The following ZFR2 variants were observed in gnomAD, a reference collection of about 807,000 sequenced individuals.
ZFR2 encodes zinc finger RNA-binding protein 2.
ZFR2 carries 104 observed loss-of-function variants against 105.7 expected under a neutral mutation model. The observed-to-expected ratio is 0.98, with a 90% CI of 0.84 to 1.16. The LOEUF is 1.16. Among genes scored for constraint, ZFR2 ranks in the 50% most tolerant of loss-of-function variants. The pLI, the probability that ZFR2 is intolerant of heterozygous loss-of-function variation, is 0.00. For synonymous variants in ZFR2, 634 were observed against 597.7 expected (o/e 1.06, Z -0.89); for missense variants, 1,425 against 1,355.5 (o/e 1.05, Z -0.80).
rs199699070 is a variant in ZFR2, at chr19:3,819,168, G to A, written c.1808C>T (p.Thr603Met). Residue 603 changes from threonine (T) to methionine (M), a missense_variant, in exon 12 of 19, where the codon ACG becomes ATG. Transcript: ENST00000262961. Reference sequence around the variant, plus strand: ...CTGCACGGCCAGGAGCTCCTGCTCCGTGGGGTAGATGGTGGCGTGCTTGCA... The same window carrying A: ...CTGCACGGCCAGGAGCTCCTGCTCCATGGGGTAGATGGTGGCGTGCTTGCA... ...VMCKHATIYPTEQELLAVQRA... is the reference protein window; with the variant it reads ...VMCKHATIYPMEQELLAVQRA... The A allele has an allele frequency of 4.5e-5, 72 of 1,600,912 alleles. No individual in the cohort carries two copies. The highest frequency in any genetic ancestry group is 5.5e-5 in the Non-Finnish European group (65 of 1,177,206).
rs141499537 is a variant in ZFR2 at position 3,823,262 on chromosome 19, G to A, written c.1355C>T (p.Pro452Leu). Reference protein sequence around the residue: ...AGCSDAQPVGPEYVEEVFSDE... With the variant: ...AGCSDAQPVGLEYVEEVFSDE... ...TCGACTTACCTCCTCCACATATTCC[G>A]GGCCCACCGGCTGCGCATCAGAGCA... The change falls in exon 8 of 19, where the codon CCG (proline) becomes CTG (leucine). Residue 452 changes from proline to leucine, a missense_variant. Physicochemically the swap from Pro to Leu is moderately conservative, Grantham distance 98 (BLOSUM62 -3). Transcript: ENST00000262961. This position sits in a 1 kb window ranked among gnomAD's most constrained non-coding sequence, Gnocchi z 5.4. The A allele has an allele frequency of 3.4e-4, 543 of 1,613,908 alleles. 3 individuals are homozygous for A. In the African/African-American group the frequency reaches 6.1e-3, roughly 18 times the overall value.
chr19:3,830,946 C>G (rs62132982), intron 5 of ZFR2, among the ~76,000 whole-genome samples: 2 of 151,816 alleles, frequency 1.3e-5, no homozygotes, highest in African/African-American at 2.4e-5. Context: ...GGCATACATG[C>G]GCACACATAC....
At chr19:3,824,151 G>T (rs2037924861) in intron 7 of ZFR2, among the ~76,000 whole-genome samples, 1 of 152,066 alleles carries the variant, frequency 6.6e-6, no homozygotes, top group South Asian at 2.1e-4. Context: ...AATACAAAAA[G>T]TAGTGGGATG....
Position 3,838,076 on chromosome 19 carries a change from A to ATGACCGTGACACGCGATGAACACCG in ZFR2, c.54-3118_54-3094dup, listed in dbSNP as rs1568427311. Among the ~76,000 whole-genome samples the ATGACCGTGACACGCGATGAACACCG allele has an allele frequency of 6.9e-6, 1 of 145,486 alleles. No homozygotes were observed. The highest frequency in any genetic ancestry group is 1.5e-5 in the Non-Finnish European group (1 of 66,744). On this transcript the variant is annotated intron_variant, in intron 1 of 18. Transcript: ENST00000262961. The surrounding 1 kb of genome is among the most constrained non-coding windows in gnomAD (Gnocchi z 4.9). ...ATGACCGTGACACGTGATGAACACC[A>ATGACCGTGACACGCGATGAACACCG]TGACCGTGACACGCGATGAACACCG... is the stretch of plus-strand genomic sequence containing the variant.
rs76034444 is a variant in ZFR2, at chr19:3,844,180, C to T, written c.54-9197G>A. 8.4e-3 allele frequency among the ~76,000 whole-genome samples: 1,282 copies of T among 152,116 alleles called. 17 individuals are homozygous for T. The highest frequency in any genetic ancestry group is 0.029 in the African/African-American group (1,216 of 41,482). ...CTGAACTATGCACTTATTAATAAAA[C>T]GGTAAAACTGGTCAATTTTATGTTA... On this transcript the variant is annotated intron_variant, in intron 1 of 18. Transcript: ENST00000262961.
intron 3 of ZFR2, among the ~76,000 whole-genome samples, chr19:3,832,638 T>A (rs909074246): frequency 4.6e-5 from 7 of 150,726 alleles, no homozygotes; most frequent in East Asian, 2.0e-4. Flanking sequence ...GTTTTTTTTT[T>A]TTATTTTTTA....
At chr19:3,850,713 C>A (rs1244151532) in intron 1 of ZFR2, among the ~76,000 whole-genome samples, 1 of 118,476 alleles carries the variant, frequency 8.4e-6, no homozygotes, top group African/African-American at 3.5e-5. Context: ...GGGATCCCAT[C>A]TCTACAGAAA....
intron 6 of ZFR2, 121 bp from the exon 7 acceptor site, chr19:3,825,528 A>C: frequency 3.1e-6 from 4 of 1,282,264 alleles, no homozygotes; most frequent in South Asian, 1.5e-5. Flanking sequence ...GGTCCCAGGG[A>C]CCCCCCTCTC....
At chr19:3,810,551 A>G (rs975311017) in intron 16 of ZFR2, among the ~76,000 whole-genome samples, 199 bp downstream of exon 16, 2 of 152,222 alleles carry the variant, frequency 1.3e-5, no homozygotes, top group Non-Finnish European at 2.9e-5. Flanking sequence ...GGTTTTGAAT[A>G]GTGGCAGTCA....
intron 5 of ZFR2, among the ~76,000 whole-genome samples, chr19:3,828,106 C>A (rs12460770): frequency 6.6e-6 from 1 of 151,714 alleles, no homozygotes; most frequent in Admixed American, 6.6e-5. Context: ...AGGAGCGCAC[C>A]ACCGCGCCCA....
intron 13 of ZFR2, 134 bp downstream of exon 13, chr19:3,816,540 C>T (rs58314228): frequency 0.15 from 200,500 of 1,353,780 alleles, 16,215 homozygotes; most frequent in East Asian, 0.32. Context: ...GCCACTGCGC[C>T]TGGCTTAATG....
chr19:3,828,248 G>A (rs941603561), intron 5 of ZFR2, among the ~76,000 whole-genome samples: 2 of 151,516 alleles, frequency 1.3e-5, no homozygotes, highest in East Asian at 3.9e-4. Flanking sequence ...GGGTTCAAGC[G>A]ATTCTCCCGC....
At chr19:3,840,892 G>A (rs550011929) in intron 1 of ZFR2, among the ~76,000 whole-genome samples, 4 of 152,158 alleles carry the variant, frequency 2.6e-5, no homozygotes, top group Non-Finnish European at 5.9e-5. Context: ...TTTCATTTCA[G>A]TTAATTTAGA....
At chr19:3,821,189 G>T in intron 10 of ZFR2, 151 bp downstream of exon 10, 2 of 1,154,478 alleles carry the variant, frequency 1.7e-6, no homozygotes, top group Non-Finnish European at 1.2e-6. Flanking sequence ...TCCCACACCA[G>T]GACGTGCCCA....
At chr19:3,853,831 G>A (rs1010322799) in intron 1 of ZFR2, among the ~76,000 whole-genome samples, 1 of 152,068 alleles carries the variant, frequency 6.6e-6, no homozygotes, top group Non-Finnish European at 1.5e-5. Flanking sequence ...CACTTTGGGA[G>A]GCCAAGGCAG....
At chr19:3,866,167 A>G (rs1236466066) in intron 1 of ZFR2, among the ~76,000 whole-genome samples, 1 of 152,158 alleles carries the variant, frequency 6.6e-6, no homozygotes, top group Non-Finnish European at 1.5e-5. Context: ...AAAAGCAGCC[A>G]AAGTTTCCAA....
chr19:3,859,054 C>T (rs1246695389), intron 1 of ZFR2, among the ~76,000 whole-genome samples: 1 of 152,112 alleles, frequency 6.6e-6, no homozygotes, highest in Non-Finnish European at 1.5e-5. Flanking sequence ...AGGAGAGTGA[C>T]ATTTGAGCCG....
intron 1 of ZFR2, among the ~76,000 whole-genome samples, chr19:3,859,464 C>A (rs927466813): frequency 3.9e-5 from 6 of 152,254 alleles, no homozygotes; most frequent in African/African-American, 1.4e-4. Flanking sequence ...AGGTCCCTTT[C>A]ATGGAGACCT....
chr19:3,840,384 C>T (rs2038122972), intron 1 of ZFR2, among the ~76,000 whole-genome samples: 1 of 151,790 alleles, frequency 6.6e-6, no homozygotes, highest in South Asian at 2.1e-4. Context: ...ATTATAGGCA[C>T]CTACCATCAT....
Sources: gnomAD v4.1 joint callset for allele counts (sites outside exome capture counted in the v4.1 genomes callset) on GRCh38, gnomAD v4.1.1 for gene constraint, Gnocchi (gnomAD v3.1) non-coding constraint, MANE v1.5 for transcripts, NCBI Gene and HGNC (gene_info 2026-07-23, HGNC 2026-07-21) for gene names.